The following DNAJC6 variants were observed in gnomAD, a reference collection of about 807,000 sequenced individuals.
DNAJC6 encodes auxilin.
A neutral mutation model predicts 110.0 loss-of-function variants in DNAJC6; 34 were observed. That is an observed-to-expected ratio of 0.31 (90% CI 0.24 to 0.41). DNAJC6 has a LOEUF of 0.41. Ranked by LOEUF, DNAJC6 falls within the 10% of genes least tolerant of loss-of-function variation. The pLI, the probability that DNAJC6 is intolerant of heterozygous loss-of-function variation, is 1.00. For missense variants in DNAJC6, 1,031 were observed against 1,207.8 expected, an observed-to-expected ratio of 0.85 and a Z score of 2.17; for synonymous variants, 406 against 437.2, an observed-to-expected ratio of 0.93 and a Z score of 0.89.
rs1250126969 is a variant in DNAJC6, at chr1:65,414,182, T to C, written c.*1157T>C. 6.6e-6 allele frequency: 1 copy of C among 152,104 alleles called. No individual in the cohort carries two copies. Among genetic ancestry groups the C allele is most frequent in the Non-Finnish European group, 1.5e-5 (1 of 68,022 alleles). 9.4% of individuals were successfully genotyped at this position (152,104 alleles called of 1,614,324 possible). A position where few individuals can be genotyped will look rare whatever the true frequency, so the allele number is the denominator to read the frequency against. On this transcript the variant is annotated 3_prime_UTR_variant, in exon 19 of 19. Coordinates refer to ENST00000371069, the MANE Select transcript of DNAJC6 (RefSeq NM_001256864.2). Reference sequence around the variant, plus strand: ...ACAGTGGGCTTTTTTGTTTTAAAAGTGGTTGGGGATCCACAGGAACGACAT... The same window carrying C: ...ACAGTGGGCTTTTTTGTTTTAAAAGCGGTTGGGGATCCACAGGAACGACAT...
chr1:65,343,757 A>G (rs1212992596), intron 1 of DNAJC6, among the ~76,000 whole-genome samples: 1 of 152,178 alleles, frequency 6.6e-6, no homozygotes, highest in Non-Finnish European at 1.5e-5. Context: ...AAAAAGGAAA[A>G]AAAAATATTC....
chr1:65,302,583 C>T (rs1461442338), intron 1 of DNAJC6, among the ~76,000 whole-genome samples: 4 of 130,114 alleles, frequency 3.1e-5, no homozygotes, highest in South Asian at 2.4e-4. Context: ...GGCCGGACTG[C>T]GGACTGCAGT....
At position 65,408,645 on chromosome 1, in the gene DNAJC6, G is replaced by A; in HGVS notation, c.2496G>A (p.Gly832=). ...ERGKGSSNLE[G]KQKAADFEDL... is the part of the protein sequence containing the mutation. ...TTTTCAAAAATTATATTGCAGAAGGGAAACAAAAAGCAGCTGATTTTGAAG... is the reference window on the plus strand; with the variant it reads ...TTTTCAAAAATTATATTGCAGAAGGAAAACAAAAAGCAGCTGATTTTGAAG... The change falls in exon 17 of 19, where the codon GGG becomes GGA. Residue 832 remains glycine (G), a synonymous_variant. Transcript: ENST00000371069. 2 of 1,608,436 alleles carry A rather than the reference G, an allele frequency of 1.2e-6. No homozygotes were observed. Among genetic ancestry groups the A allele is most frequent in the Non-Finnish European group, 1.7e-6 (2 of 1,178,624 alleles).
chr1:65,382,474 G>A (rs1570354463), intron 5 of DNAJC6, among the ~76,000 whole-genome samples: 2 of 152,152 alleles, frequency 1.3e-5, no homozygotes, highest in East Asian at 3.8e-4. Context: ...AATTATAAGG[G>A]TCACATAGTG....
At chr1:65,301,593 G>A (rs1644979247) in intron 1 of DNAJC6, among the ~76,000 whole-genome samples, 1 of 152,088 alleles carries the variant, frequency 6.6e-6, no homozygotes, top group Non-Finnish European at 1.5e-5. Flanking sequence ...AGGGAAACAC[G>A]TTTATTGGGT....
In DNAJC6 at chr1:65,384,288, A is replaced by C; in HGVS notation, c.762A>C (p.Ala254=). 2 of 1,582,536 alleles carry C rather than the reference A, an allele frequency of 1.3e-6. No individual in the cohort carries two copies. Among genetic ancestry groups the C allele is most frequent in the Non-Finnish European group, 1.7e-6 (2 of 1,166,406 alleles). Residue 254 remains alanine (A), a synonymous_variant, in exon 6 of 19, where the codon GCA becomes GCC. Coordinates refer to ENST00000371069, the MANE Select transcript of DNAJC6 (RefSeq NM_001256864.2). ...TPGPAIRLLY[A]KRPGIGLSPS... ...GCCCAGCCATTCGATTGCTATATGC[A>C]AAGCGACCAGGAATTGGACTTTCAC...
chr1:65,335,884 C>T (rs1485394453), intron 1 of DNAJC6, among the ~76,000 whole-genome samples: 3 of 152,000 alleles, frequency 2.0e-5, no homozygotes, highest in Admixed American at 1.3e-4. Context: ...TGAACCACAC[C>T]TTAGGGAGGC....
At chr1:65,298,943 A>G (rs1176843870) in intron 1 of DNAJC6, 1 of 152,244 alleles carries the variant, frequency 6.6e-6, no homozygotes, top group East Asian at 1.9e-4. Flanking sequence ...AAGGCCACAC[A>G]TCCCAGGTTA....
intron 1 of DNAJC6, among the ~76,000 whole-genome samples, chr1:65,299,335 C>T (rs1182754860): frequency 6.6e-6 from 1 of 152,082 alleles, no homozygotes; most frequent in Admixed American, 6.5e-5. Context: ...ATATTCTAGA[C>T]TGTATTGAGA....
intron 1 of DNAJC6, among the ~76,000 whole-genome samples, chr1:65,362,234 G>C (rs552950616): frequency 3.8e-4 from 57 of 148,872 alleles, no homozygotes; most frequent in Non-Finnish European, 8.2e-4. Flanking sequence ...CTATAACATA[G>C]GAATAATAAT....
intron 1 of DNAJC6, among the ~76,000 whole-genome samples, 158 bp downstream of exon 1, chr1:65,310,096 C>CT (rs1341679143): frequency 6.6e-6 from 1 of 152,096 alleles, no homozygotes. Flanking sequence ...TGTCGAGTCT[C>CT]TAATTTCTCT....
intron 1 of DNAJC6, among the ~76,000 whole-genome samples, chr1:65,355,264 CA>C (rs58338708): frequency 0.59 from 49,647 of 84,414 alleles, 11,470 homozygotes; most frequent in East Asian, 0.71. Flanking sequence ...CACCCTGTCT[CA>C]AAAAAAAAAA....
chr1:65,308,281 G>A (rs1570255658), upstream of DNAJC6, among the ~76,000 whole-genome samples: 1 of 152,206 alleles, frequency 6.6e-6, no homozygotes, highest in African/African-American at 2.4e-5. Context: ...CATTTTACAT[G>A]CACGTACTTT....
chr1:65,380,619 G>C (rs1306475271), intron 5 of DNAJC6, among the ~76,000 whole-genome samples: 1 of 152,112 alleles, frequency 6.6e-6, no homozygotes, highest in Non-Finnish European at 1.5e-5. Context: ...AAGGACCTTG[G>C]TGATTTTCTC....
chr1:65,406,299 C>T (rs547279496), intron 16 of DNAJC6, among the ~76,000 whole-genome samples, 166 bp downstream of exon 16: 4 of 151,940 alleles, frequency 2.6e-5, no homozygotes, highest in South Asian at 2.1e-4. Context: ...CTACCCCCAA[C>T]GCTGTACCTG....
chr1:65,354,366 G>A (rs1278608185), intron 1 of DNAJC6, among the ~76,000 whole-genome samples: 1 of 152,166 alleles, frequency 6.6e-6, no homozygotes, highest in Non-Finnish European at 1.5e-5. Flanking sequence ...AGTTTCCTCA[G>A]TGGGACTCCC....
intron 1 of DNAJC6, among the ~76,000 whole-genome samples, chr1:65,275,229 A>G (rs535294227): frequency 2.6e-5 from 4 of 152,174 alleles, no homozygotes; most frequent in Non-Finnish European, 5.9e-5. Flanking sequence ...TTTTGCATGA[A>G]AAAAACTCCC....
At chr1:65,303,520 A>G (rs1453992837) in intron 1 of DNAJC6, among the ~76,000 whole-genome samples, 6 of 151,380 alleles carry the variant, frequency 4.0e-5, no homozygotes, top group Non-Finnish European at 7.4e-5. Context: ...TTAGGGCTTT[A>G]GTGTTTATTA....
rs370864885 is a variant in DNAJC6 at position 65,389,247 on chromosome 1, C to G, written c.1194-9C>G. On this transcript the variant is annotated splice_polypyrimidine_tract_variant and intron_variant, in intron 9 of 18. Coordinates refer to ENST00000371069, the MANE Select transcript of DNAJC6 (RefSeq NM_001256864.2). The stretch of plus-strand genomic sequence containing the variant: ...TCACTGAATTTATCTTTTTTAAATC[C>G]CTATTTAGGCCTGAGTTAGATGCAT... The G allele has an allele frequency of 4.7e-5, 76 of 1,607,374 alleles. No homozygotes were observed. The highest frequency in any genetic ancestry group is 1.3e-5 in the Non-Finnish European group (15 of 1,176,624).
Sources: allele counts gnomAD v4.1 joint callset (sites outside exome capture counted in the v4.1 genomes callset), GRCh38; gene constraint gnomAD v4.1.1; transcripts MANE v1.5; gene names NCBI Gene and HGNC (gene_info 2026-07-23, HGNC 2026-07-21).